The following SNX7 variants were observed in gnomAD, a reference collection of about 807,000 sequenced individuals.
SNX7 encodes the protein sorting nexin-7.
Under a neutral mutation model 48.4 loss-of-function variants are expected in SNX7, and 35 were observed. The observed-to-expected ratio is 0.72, with a 90% CI of 0.55 to 0.96. The LOEUF is 0.96. SNX7 is among the 40% of genes least tolerant of loss of function. SNX7 has a pLI of 0.00. For missense variants in SNX7, 553 were observed against 548.9 expected, an observed-to-expected ratio of 1.01 and a Z score of -0.07; for synonymous variants, 190 against 190.2, an observed-to-expected ratio of 1.00 and a Z score of 0.01.
At chr1:98,752,343 T>C (rs527878315) in intron 8 of SNX7, among the ~76,000 whole-genome samples, 3 of 152,092 alleles carry the variant, frequency 2.0e-5, no homozygotes, top group Admixed American at 6.6e-5. Flanking sequence ...TAATTTGATA[T>C]ATGTGCAGGA....
chr1:98,701,605 T>C (rs1651751656), intron 6 of SNX7, among the ~76,000 whole-genome samples: 1 of 150,634 alleles, frequency 6.6e-6, no homozygotes, highest in African/African-American at 2.4e-5. Flanking sequence ...AAAACATTTA[T>C]AGGAAAAAAA....
chr1:98,730,505 T>A (rs1044786412), intron 7 of SNX7, among the ~76,000 whole-genome samples: 3 of 152,052 alleles, frequency 2.0e-5, no homozygotes, highest in Non-Finnish European at 4.4e-5. Context: ...CTAGAAAACC[T>A]CATTGTCTCA....
intron 3 of SNX7, 22 bp from the exon 4 acceptor site, chr1:98,691,512 CT>C: frequency 6.5e-7 from 1 of 1,546,358 alleles, no homozygotes; most frequent in East Asian, 2.3e-5. Context: ...ACTTGAATAC[CT>C]TTTTAATTTT....
intron 1 of SNX7, among the ~76,000 whole-genome samples, chr1:98,682,884 T>TC (rs1318686218): frequency 6.6e-6 from 1 of 152,214 alleles, no homozygotes; most frequent in East Asian, 1.9e-4. Flanking sequence ...CCTGCCTGTA[T>TC]CCTTCAATTT....
At chr1:98,701,531 T>C (rs1314121140) in intron 6 of SNX7, among the ~76,000 whole-genome samples, 1 of 152,040 alleles carries the variant, frequency 6.6e-6, no homozygotes, top group Non-Finnish European at 1.5e-5. Flanking sequence ...ACATGCGTAT[T>C]CCACCAAATG....
intron 1 of SNX7, among the ~76,000 whole-genome samples, chr1:98,674,139 G>A (rs1650026532): frequency 6.6e-6 from 1 of 152,170 alleles, no homozygotes. Context: ...AAAGAATGGA[G>A]CAAAGTTGAA....
intron 1 of SNX7, among the ~76,000 whole-genome samples, chr1:98,677,990 C>CGT (rs56259822): frequency 2.5e-4 from 36 of 141,876 alleles, no homozygotes; most frequent in East Asian, 9.9e-4. Context: ...TGTGTGTGTG[C>CGT]GTGTGTGTGT....
At chr1:98,716,258 T>C (rs1652583952) in intron 7 of SNX7, among the ~76,000 whole-genome samples, 1 of 152,136 alleles carries the variant, frequency 6.6e-6, no homozygotes, top group Non-Finnish European at 1.5e-5. Context: ...CCATGGTAGG[T>C]TTGCCTCCTA....
chr1:98,676,635 TC>T (rs1650180538), intron 1 of SNX7, among the ~76,000 whole-genome samples: 2 of 152,348 alleles, frequency 1.3e-5, no homozygotes, highest in Middle Eastern at 3.4e-3. Flanking sequence ...CTGAGTATTA[TC>T]GATGCTTCAA....
At chr1:98,663,893 G>T (rs1320972350) in intron 1 of SNX7, among the ~76,000 whole-genome samples, 1 of 152,164 alleles carries the variant, frequency 6.6e-6, no homozygotes, top group Non-Finnish European at 1.5e-5. Context: ...TTAAGGCAAA[G>T]ATATAATATT....
chr1:98,695,611 A>G lies in SNX7; in HGVS notation c.733A>G (p.Asn245Asp), dbSNP rs772870392. Residue 245 changes from asparagine to aspartate, a missense_variant, in exon 5 of 9, where the codon AAC (asparagine) becomes GAC (aspartate). Transcript: ENST00000306121. ...TGCGTCCTCAATGAGAGGAGTTAAA[A>G]ACCGCCCAGAGGAGTTCATGGAAAT... is the stretch of plus-strand genomic sequence containing the variant. Reference protein sequence around the residue: ...AVASSMRGVKNRPEEFMEMNN... With the variant: ...AVASSMRGVKDRPEEFMEMNN... The G allele has an allele frequency of 6.2e-7, 1 of 1,614,156 alleles. No individual in the cohort carries two copies. The highest frequency in any genetic ancestry group is 8.5e-7 in the Non-Finnish European group (1 of 1,180,000).
At chr1:98,716,123 C>T (rs889911592) in intron 7 of SNX7, among the ~76,000 whole-genome samples, 8 of 151,890 alleles carry the variant, frequency 5.3e-5, no homozygotes, top group Non-Finnish European at 1.2e-4. Context: ...TTGATTAATC[C>T]CCCTGTATAT....
chr1:98,690,347 G>T (rs1426819295), intron 2 of SNX7, among the ~76,000 whole-genome samples: 1 of 152,028 alleles, frequency 6.6e-6, no homozygotes, highest in Non-Finnish European at 1.5e-5. Flanking sequence ...AAATGAGGTT[G>T]ATATTGTACC....
At chr1:98,724,558 T>A (rs4523532) in intron 7 of SNX7, among the ~76,000 whole-genome samples, 32,382 of 152,066 alleles carry the variant, frequency 0.21, 3,741 homozygotes, top group East Asian at 0.31. Context: ...CTCTAAATTT[T>A]AATTGTGCTA....
intron 1 of SNX7, among the ~76,000 whole-genome samples, chr1:98,683,556 A>C (rs1259331246): frequency 6.6e-6 from 1 of 152,148 alleles, no homozygotes; most frequent in Non-Finnish European, 1.5e-5. Flanking sequence ...AAAGGACCCC[A>C]GAGAGACCCT....
chr1:98,726,510 C>A (rs1653179268), intron 7 of SNX7, among the ~76,000 whole-genome samples: 1 of 152,066 alleles, frequency 6.6e-6, no homozygotes, highest in Non-Finnish European at 1.5e-5. Context: ...GTAAAAATGT[C>A]CTGGAAATAA....
At chr1:98,754,094 A>G (rs1264910074) in intron 8 of SNX7, among the ~76,000 whole-genome samples, 1 of 152,046 alleles carries the variant, frequency 6.6e-6, no homozygotes, top group Non-Finnish European at 1.5e-5. Flanking sequence ...AATTTTTTTT[A>G]ATAAGCAATG....
At chr1:98,724,237 A>G (rs1025962098) in intron 7 of SNX7, among the ~76,000 whole-genome samples, 1 of 151,984 alleles carries the variant, frequency 6.6e-6, no homozygotes, top group Non-Finnish European at 1.5e-5. Flanking sequence ...AGATTTTCTC[A>G]TGTTAACCAT....
Position 98,691,076 on chromosome 1 carries a change from C to G in SNX7, c.365C>G (p.Thr122Arg). 6.3e-7 allele frequency: 1 copy of G among 1,597,486 alleles called. No homozygotes were observed. Among genetic ancestry groups the G allele is most frequent in the Non-Finnish European group, 8.6e-7 (1 of 1,168,822 alleles). The change falls in exon 3 of 9, where the codon ACA becomes AGA. Residue 122 changes from threonine (T) to arginine (R), a missense_variant and splice_region_variant. By Grantham distance (71) the Thr-to-Arg change is moderately conservative (BLOSUM62 -1). Transcript: ENST00000306121. ...TFITYRIITKTSRGEFDSSEF... is the reference protein window; with the variant it reads ...TFITYRIITKRSRGEFDSSEF... ...GTTATTTTCTCTTACTTTCTTCAGA[C>G]ATCTCGTGGGGAATTTGACTCCAGT...
Sources: gnomAD v4.1 joint callset for allele counts (sites outside exome capture counted in the v4.1 genomes callset) on GRCh38, gnomAD v4.1.1 for gene constraint, MANE v1.5 for transcripts, NCBI Gene and HGNC (gene_info 2026-07-23, HGNC 2026-07-21) for gene names.